Variants in ADCY10 observed in about 807,000 individuals in gnomAD.
The protein encoded by ADCY10 is adenylate cyclase 10.
In ADCY10, 156 loss-of-function variants were observed where a neutral mutation model predicts 183.3. The observed-to-expected ratio is 0.85, with a 90% CI of 0.75 to 0.97. ADCY10 has a LOEUF of 0.97. Ranked by LOEUF, ADCY10 falls within the 50% of genes least tolerant of loss-of-function variation. The pLI, the probability that ADCY10 is intolerant of heterozygous loss-of-function variation, is 0.00. For missense variants in ADCY10, 1,745 were observed against 1,934.3 expected, an observed-to-expected ratio of 0.90 and a Z score of 1.84; for synonymous variants, 645 against 670.0, an observed-to-expected ratio of 0.96 and a Z score of 0.58.
At chr1:167,884,121 T>C (rs1443902835) in intron 8 of ADCY10, among the ~76,000 whole-genome samples, 1 of 152,156 alleles carries the variant, frequency 6.6e-6, no homozygotes, top group Non-Finnish European at 1.5e-5. Flanking sequence ...ATTATACTCT[T>C]TTAGTTATTT....
At position 167,832,985 on chromosome 1, in the gene ADCY10, A is replaced by G. The variant is rs772139223; in HGVS notation, c.3593+2T>C. ...TCTGCTCTCCCCAGCTCCTTCCCTT[A>G]CCCTGGAGGTGGGCTCTCTTGGGCC... On this transcript the variant is annotated splice_donor_variant, in intron 25 of 32. Coordinates refer to ENST00000367851, the MANE Select transcript of ADCY10 (RefSeq NM_018417.6). LOFTEE classifies it high-confidence loss of function. 3.0e-5 allele frequency: 48 copies of G among 1,613,382 alleles called. No individual in the cohort carries two copies. Among genetic ancestry groups the G allele is most frequent in the Non-Finnish European group, 4.0e-5 (47 of 1,179,800 alleles).
chr1:167,819,555 ATT>A (rs909759210), intron 30 of ADCY10, among the ~76,000 whole-genome samples: 84 of 140,884 alleles, frequency 6.0e-4, no homozygotes, highest in African/African-American at 2.0e-3. Context: ...TGATTTTTTT[ATT>A]TTTTATTTTT....
chr1:167,899,525 G>A lies in ADCY10; in HGVS notation c.540C>T (p.Asn180=). The part of the protein sequence containing the change: ...QAVDDVRLAQ[N]MAQMNDVILS... ...GAATAACATCATTCATCTGAGCCAT[G>A]TTCTGGGCAAGGCGCACATCGTCCA... The change falls in exon 6 of 33, where the codon AAC becomes AAT. Residue 180 remains asparagine, a synonymous_variant. Transcript: ENST00000367851. The A allele has an allele frequency of 6.2e-7, 1 of 1,614,208 alleles. No individual in the cohort carries two copies. The highest frequency in any genetic ancestry group is 8.5e-7 in the Non-Finnish European group (1 of 1,180,034).
chr1:167,817,599 T>G (rs1489086868), intron 31 of ADCY10, among the ~76,000 whole-genome samples: 1 of 152,222 alleles, frequency 6.6e-6, no homozygotes, highest in African/African-American at 2.4e-5. Context: ...GCTTAATACA[T>G]ATTTGAATTT....
chr1:167,908,078 T>A (rs1457155459), intron 1 of ADCY10, among the ~76,000 whole-genome samples: 2 of 152,196 alleles, frequency 1.3e-5, no homozygotes, highest in African/African-American at 4.8e-5. Context: ...CCCAAAGGAA[T>A]TGAAATCAGT....
chr1:167,903,291 C>T (rs535560235), intron 3 of ADCY10, among the ~76,000 whole-genome samples: 15 of 144,226 alleles, frequency 1.0e-4, no homozygotes, highest in African/African-American at 3.6e-4. Flanking sequence ...TAGCCGGGCA[C>T]CCTGGCTCTC....
chr1:167,844,418 T>C (rs1199553388), intron 21 of ADCY10, among the ~76,000 whole-genome samples: 1 of 152,246 alleles, frequency 6.6e-6, no homozygotes, highest in Non-Finnish European at 1.5e-5. Context: ...TCTCATTCTC[T>C]TGATTTCTAC....
chr1:167,904,952 G>A (rs1669712232), intron 2 of ADCY10, 41 bp downstream of exon 2: 2 of 1,614,006 alleles, frequency 1.2e-6, no homozygotes, highest in African/African-American at 1.3e-5. Context: ...ACGCGAGCCT[G>A]TTGCTCATCC....
At chr1:167,865,056 T>C (rs1666586232) in intron 14 of ADCY10, among the ~76,000 whole-genome samples, 1 of 152,172 alleles carries the variant, frequency 6.6e-6, no homozygotes, top group Non-Finnish European at 1.5e-5. Context: ...GCGAAAGTCA[T>C]AGAAAACGAT....
intron 23 of ADCY10, among the ~76,000 whole-genome samples, chr1:167,835,404 T>A (rs990681260): frequency 1.3e-5 from 2 of 152,234 alleles, no homozygotes; most frequent in Admixed American, 6.5e-5. Flanking sequence ...TACTTAACAA[T>A]GAATTCTGTT....
In ADCY10 at chr1:167,834,047, A is replaced by C. The variant is rs1413584619; in HGVS notation, c.3340T>G (p.Leu1114Val). The change falls in exon 24 of 33, where the codon TTG (leucine) becomes GTG (valine). Residue 1114 changes from leucine (L) to valine (V), a missense_variant. Transcript: ENST00000367851. ...AYMYLNEGQK[L>V]LKTLKKDKSW... is the part of the protein sequence containing the mutation. ...TTGTCCTTCTTGAGAGTTTTTAGCAACTTCTGTCCTTCATTCAAATACATG... is the reference window on the plus strand; with the variant it reads ...TTGTCCTTCTTGAGAGTTTTTAGCACCTTCTGTCCTTCATTCAAATACATG... 6.2e-7 allele frequency: 1 copy of C among 1,614,036 alleles called. No individual in the cohort carries two copies. The highest frequency in any genetic ancestry group is 1.1e-5 in the South Asian group (1 of 91,078).
rs1662735203 is a variant in ADCY10 at position 167,819,384 on chromosome 1, C to A, written c.4287-1117G>T. ...TCCTGCCTCGCTGGGATTACAGGCGCCTGCCATCACGCCTGCCTAATTTTT... is the reference window on the plus strand; with the variant it reads ...TCCTGCCTCGCTGGGATTACAGGCGACTGCCATCACGCCTGCCTAATTTTT... On this transcript the variant is annotated intron_variant, in intron 30 of 32. Coordinates refer to ENST00000367851, the MANE Select transcript of ADCY10 (RefSeq NM_018417.6). 2.0e-5 allele frequency among the ~76,000 whole-genome samples: 3 copies of A among 151,322 alleles called. No individual in the cohort carries two copies. In the South Asian group the frequency reaches 6.3e-4, roughly 32 times the overall value.
intron 2 of ADCY10, 77 bp downstream of exon 2, chr1:167,904,916 C>A: frequency 2.5e-6 from 4 of 1,604,088 alleles, no homozygotes; most frequent in Non-Finnish European, 2.6e-6. Flanking sequence ...CCCTACTCTG[C>A]AATCAAGCTC....
rs746938379 is a variant in ADCY10, at chr1:167,810,740, C to T, written c.4656G>A (p.Trp1552Ter). The T allele has an allele frequency of 1.2e-6, 2 of 1,614,184 alleles. No individual in the cohort carries two copies. Among genetic ancestry groups the T allele is most frequent in the East Asian group, 4.5e-5 (2 of 44,888 alleles). Reference protein sequence around the residue: ...ETQGNILEKCWLNMNKESWYS... With the variant: ...ETQGNILEKC ...TGATACATACTTTGTTCATGTTCAGCCAGCATTTCTCCAGTATATTCCCCT... is the reference window on the plus strand; with the variant it reads ...TGATACATACTTTGTTCATGTTCAGTCAGCATTTCTCCAGTATATTCCCCT... Residue 1552 changes from tryptophan to a stop codon, truncating the protein, a stop_gained, in exon 32 of 33, where the codon TGG (tryptophan) becomes TGA (stop). Transcript: ENST00000367851. LOFTEE classifies it low-confidence loss of function (END_TRUNC).
At chr1:167,839,995 G>A (rs963507688) in intron 21 of ADCY10, among the ~76,000 whole-genome samples, 35 of 151,692 alleles carry the variant, frequency 2.3e-4, no homozygotes, top group African/African-American at 6.3e-4. Flanking sequence ...TGAGGTGGGA[G>A]GATCGTTTGA....
intron 14 of ADCY10, among the ~76,000 whole-genome samples, chr1:167,866,508 C>A (rs527564954): frequency 7.5e-6 from 1 of 132,558 alleles, no homozygotes; most frequent in Non-Finnish European, 1.6e-5. Flanking sequence ...CCTGACCTGA[C>A]GAAAGTGCAC....
At chr1:167,895,948 G>C (rs1425831669) in intron 7 of ADCY10, among the ~76,000 whole-genome samples, 1 of 152,130 alleles carries the variant, frequency 6.6e-6, no homozygotes, top group East Asian at 1.9e-4. Flanking sequence ...AGACGTAAAG[G>C]CAAAACTAGA....
At chr1:167,829,713 G>A (rs1663575313) in intron 25 of ADCY10, among the ~76,000 whole-genome samples, 1 of 152,204 alleles carries the variant, frequency 6.6e-6, no homozygotes, top group Admixed American at 6.5e-5. Flanking sequence ...AAAGCACATT[G>A]ATATTATTCA....
intron 9 of ADCY10, 77 bp from the exon 10 acceptor site, chr1:167,880,686 G>C (rs1571387680): frequency 9.1e-7 from 1 of 1,101,088 alleles, no homozygotes; most frequent in Non-Finnish European, 1.4e-6. Context: ...GCTCAACAGA[G>C]AGCCGGCGGC....
Sources: allele counts gnomAD v4.1 joint callset (sites outside exome capture counted in the v4.1 genomes callset), GRCh38; gene constraint gnomAD v4.1.1; transcripts MANE v1.5; gene names NCBI Gene and HGNC (gene_info 2026-07-23, HGNC 2026-07-21).